Variants in PKP4 observed in about 807,000 individuals in gnomAD.
PKP4 encodes plakophilin 4.
PKP4 carries 90 observed loss-of-function variants against 145.1 expected under a neutral mutation model. The ratio of observed to expected loss-of-function variants is 0.62; its 90% CI spans 0.52 to 0.74. The LOEUF is 0.74. Ranked by LOEUF, PKP4 falls within the 30% of genes least tolerant of loss-of-function variation. The pLI is 0.00. For missense variants in PKP4, 1,340 were observed against 1,482.7 expected (o/e 0.90, Z 1.58); for synonymous variants, 563 against 577.2 (o/e 0.98, Z 0.35).
chr2:158,548,708 C>A (rs2045315933), intron 2 of PKP4: 1 of 223,934 alleles, frequency 4.5e-6, no homozygotes, highest in Non-Finnish European at 8.4e-6. Flanking sequence ...AGCAGCTACT[C>A]AGCTGCTTAA....
intron 11 of PKP4, among the ~76,000 whole-genome samples, chr2:158,655,142 G>A (rs2055788744): frequency 6.6e-6 from 1 of 152,174 alleles, no homozygotes; most frequent in Non-Finnish European, 1.5e-5. Context: ...ACAGAGTAAA[G>A]CCACAGTAAA....
intron 3 of PKP4, among the ~76,000 whole-genome samples, chr2:158,587,968 A>C (rs1264469058): frequency 3.3e-5 from 5 of 151,282 alleles, no homozygotes; most frequent in Non-Finnish European, 7.4e-5. Flanking sequence ...TTTATGTGCC[A>C]TTGTACACCT....
At chr2:158,526,819 C>G (rs1177633171) in intron 1 of PKP4, among the ~76,000 whole-genome samples, 2 of 74,926 alleles carry the variant, frequency 2.7e-5, no homozygotes, top group African/African-American at 5.7e-5. Context: ...ACAAAAATCA[C>G]AAGCATTCTT....
intron 11 of PKP4, among the ~76,000 whole-genome samples, chr2:158,654,879 C>T (rs2105960679): frequency 6.6e-6 from 1 of 152,272 alleles, no homozygotes; most frequent in South Asian, 2.1e-4. Context: ...TGACCACCTA[C>T]TATGTGTCCT....
At chr2:158,597,108 C>T (rs1261665451) in intron 3 of PKP4, among the ~76,000 whole-genome samples, 2 of 152,170 alleles carry the variant, frequency 1.3e-5, no homozygotes, top group Non-Finnish European at 2.9e-5. Flanking sequence ...TCAGAGTCCT[C>T]TCTTGTAGAA....
chr2:158,486,119 A>T (rs1314555521), intron 1 of PKP4, among the ~76,000 whole-genome samples: 1 of 152,222 alleles, frequency 6.6e-6, no homozygotes, highest in East Asian at 1.9e-4. Flanking sequence ...TAATCATAGC[A>T]TTATTATTTT....
intron 1 of PKP4, among the ~76,000 whole-genome samples, chr2:158,491,869 C>T (rs1319532764): frequency 1.3e-5 from 2 of 151,010 alleles, no homozygotes; most frequent in Admixed American, 1.3e-4. Flanking sequence ...AAGTATGGCT[C>T]ACTGCAGCTT....
intron 3 of PKP4, among the ~76,000 whole-genome samples, chr2:158,602,411 C>T (rs1267892670): frequency 6.6e-6 from 1 of 152,106 alleles, no homozygotes; most frequent in Non-Finnish European, 1.5e-5. Context: ...TTCTGTTGTT[C>T]CTGTATTCTG....
At chr2:158,542,267 C>G (rs559938992) in intron 2 of PKP4, among the ~76,000 whole-genome samples, 6 of 152,066 alleles carry the variant, frequency 3.9e-5, no homozygotes, top group Non-Finnish European at 5.9e-5. Flanking sequence ...AATGTAAGCT[C>G]TTAACAGCAG....
chr2:158,642,370 C>A (rs765495769), intron 10 of PKP4, 116 bp from the exon 11 acceptor site: 18 of 753,334 alleles, frequency 2.4e-5, no homozygotes, highest in Admixed American at 1.3e-4. Context: ...TAAAAAGTAA[C>A]CTTTGAAATG....
chr2:158,506,025 A>C (rs1314427138), intron 1 of PKP4, among the ~76,000 whole-genome samples: 2 of 152,224 alleles, frequency 1.3e-5, no homozygotes, highest in African/African-American at 4.8e-5. Context: ...CCTCCAAGCT[A>C]TACTGTGAAA....
In PKP4 at chr2:158,523,183, C is replaced by G. The variant is rs554303108; in HGVS notation, c.-5-9997C>G. 6.7e-4 allele frequency among the ~76,000 whole-genome samples: 100 copies of G among 148,928 alleles called. 1 individual carries two copies. Among genetic ancestry groups the G allele is most frequent in the African/African-American group, 2.4e-3 (97 of 41,274 alleles). On this transcript the variant is annotated intron_variant, in intron 1 of 21. Transcript: ENST00000389759. ...AGGCTCCACCTCTGGGGGCAGGGCA[C>G]AGACAAACAAAAAGACAGCAGTAAC...
intron 19 of PKP4, among the ~76,000 whole-genome samples, chr2:158,675,553 A>G (rs930039803): frequency 2.0e-5 from 3 of 152,130 alleles, no homozygotes; most frequent in African/African-American, 7.2e-5. Flanking sequence ...GATTCTAGTC[A>G]GTGGTAGGGA....
intron 2 of PKP4, chr2:158,533,526 C>T (rs1433720806): frequency 9.3e-6 from 6 of 647,294 alleles, no homozygotes; most frequent in East Asian, 6.5e-5. Context: ...GATACTTGTG[C>T]GTCTGCAAGT....
At chr2:158,463,501 A>C (rs922428104) in intron 1 of PKP4, among the ~76,000 whole-genome samples, 1 of 152,194 alleles carries the variant, frequency 6.6e-6, no homozygotes, top group African/African-American at 2.4e-5. Context: ...TGGAATATAC[A>C]TGATATAAAT....
chr2:158,499,481 A>G (rs1011834062), intron 1 of PKP4, among the ~76,000 whole-genome samples: 1 of 152,196 alleles, frequency 6.6e-6, no homozygotes, highest in African/African-American at 2.4e-5. Context: ...CTGTAACACC[A>G]CTGGGTTTTA....
At chr2:158,664,858 C>G (rs1219503136) in intron 15 of PKP4, among the ~76,000 whole-genome samples, 1 of 152,216 alleles carries the variant, frequency 6.6e-6, no homozygotes, top group Non-Finnish European at 1.5e-5. Context: ...TAGTGAGATA[C>G]TCCCAGCACA....
intron 2 of PKP4, among the ~76,000 whole-genome samples, chr2:158,550,140 A>AATCTATTAATTCTACTAAT (rs550269421): frequency 6.6e-6 from 1 of 151,864 alleles, no homozygotes; most frequent in Non-Finnish European, 1.5e-5. Context: ...TTCTGCCAAG[A>AATCTATTAATTCTACTAAT]AGAAGTTAAA....
chr2:158,540,550 A>G (rs2044426438), intron 2 of PKP4, among the ~76,000 whole-genome samples: 1 of 152,194 alleles, frequency 6.6e-6, no homozygotes, highest in African/African-American at 2.4e-5. Context: ...TCTCAGAAGA[A>G]TGCAGAGGCA....
Sources: allele counts gnomAD v4.1 joint callset (sites outside exome capture counted in the v4.1 genomes callset), GRCh38; gene constraint gnomAD v4.1.1; transcripts MANE v1.5; gene names NCBI Gene and HGNC (gene_info 2026-07-23, HGNC 2026-07-21).